Variants in KIAA0825 observed in about 807,000 individuals in gnomAD.
KIAA0825 encodes KIAA0825.
A neutral mutation model predicts 147.6 loss-of-function variants in KIAA0825; 119 were observed. The ratio of observed to expected loss-of-function variants is 0.81; its 90% CI spans 0.69 to 0.94. The LOEUF is 0.94. Among genes scored for constraint, KIAA0825 ranks in the 40% least tolerant of loss-of-function variants. The probability of loss-of-function intolerance (pLI) is 0.00; values close to 1 mark genes in which losing one functional copy is unlikely to be tolerated. For missense variants in KIAA0825, 1,381 were observed against 1,472.7 expected (o/e 0.94, Z 1.02); for synonymous variants, 470 against 518.1 (o/e 0.91, Z 1.26).
At chr5:94,336,298 T>C (rs967629343) in intron 20 of KIAA0825, among the ~76,000 whole-genome samples, 4 of 151,848 alleles carry the variant, frequency 2.6e-5, no homozygotes, top group African/African-American at 9.7e-5. Context: ...CTGGGATACA[T>C]GTGCAGAATG....
chr5:94,597,847 A>T (rs1402088114), intron 1 of KIAA0825, among the ~76,000 whole-genome samples: 1 of 152,200 alleles, frequency 6.6e-6, no homozygotes. Context: ...ACACAATGGT[A>T]AGTATTTGTG....
chr5:94,573,715 A>G (rs906048059), intron 2 of KIAA0825, among the ~76,000 whole-genome samples: 1 of 152,238 alleles, frequency 6.6e-6, no homozygotes, highest in African/African-American at 2.4e-5. Flanking sequence ...CTATGTTAAT[A>G]GAGATTCTTT....
At chr5:94,253,689 A>AT (rs1776095576) in intron 20 of KIAA0825, among the ~76,000 whole-genome samples, 1 of 152,042 alleles carries the variant, frequency 6.6e-6, no homozygotes, top group Non-Finnish European at 1.5e-5. Flanking sequence ...AACATCATAT[A>AT]TTTTTGTTTG....
At chr5:94,284,891 T>A (rs1456025389) in intron 20 of KIAA0825, among the ~76,000 whole-genome samples, 1 of 152,150 alleles carries the variant, frequency 6.6e-6, no homozygotes. Context: ...ACATGTATCG[T>A]GTACTAATTT....
chr5:94,333,036 A>G (rs160272), intron 20 of KIAA0825, among the ~76,000 whole-genome samples: 29,973 of 152,104 alleles, frequency 0.2, 3,445 homozygotes, highest in Middle Eastern at 0.26. Context: ...TTTGAAAAGC[A>G]TCTGTTCATA....
intron 13 of KIAA0825, among the ~76,000 whole-genome samples, chr5:94,449,904 C>T (rs1758183552): frequency 6.6e-6 from 1 of 151,944 alleles, no homozygotes; most frequent in Non-Finnish European, 1.5e-5. Context: ...CATGGTGAAA[C>T]CCTGTCTCTA....
chr5:94,470,340 C>T (rs1305454169), intron 9 of KIAA0825, among the ~76,000 whole-genome samples: 66 of 151,962 alleles, frequency 4.3e-4, no homozygotes, highest in Admixed American at 3.9e-3. Flanking sequence ...TCTACAAATA[C>T]GCACTTCAAC....
chr5:94,453,074 G>A lies in KIAA0825; in HGVS notation c.2247-5C>T. On this transcript the variant is annotated splice_polypyrimidine_tract_variant and splice_region_variant and intron_variant, in intron 12 of 20. Coordinates refer to ENST00000682413, the MANE Select transcript of KIAA0825 (RefSeq NM_001145678.3). The stretch of plus-strand genomic sequence containing the variant: ...TCCAGGCCATGCTGAAAAGTCCTAG[G>A]GAAATACAAATAATTAGTTTAGAAT... The A allele has an allele frequency of 1.4e-6, 2 of 1,429,270 alleles. No individual in the cohort carries two copies. Among genetic ancestry groups the A allele is most frequent in the Non-Finnish European group, 9.4e-7 (1 of 1,063,052 alleles). The allele number at this position is 1,429,270 out of a possible 1,614,324, so 88.5% of individuals were successfully genotyped here.
chr5:94,583,589 G>C (rs146916329), intron 1 of KIAA0825, among the ~76,000 whole-genome samples: 1,761 of 152,240 alleles, frequency 0.012, 41 homozygotes, highest in African/African-American at 0.041. Context: ...TCCACCTCTG[G>C]GGGCAGGGCA....
chr5:94,385,836 A>C (rs1749064796), intron 19 of KIAA0825, among the ~76,000 whole-genome samples: 1 of 152,226 alleles, frequency 6.6e-6, no homozygotes, highest in Admixed American at 6.5e-5. Flanking sequence ...ATTTATAATT[A>C]ATTTTAACTA....
chr5:94,260,778 A>C (rs367672681), intron 20 of KIAA0825, among the ~76,000 whole-genome samples: 1 of 152,270 alleles, frequency 6.6e-6, no homozygotes, highest in Admixed American at 6.5e-5. Flanking sequence ...AGTCGGTATG[A>C]TGTGGCACTC....
At chr5:94,560,656 G>C (rs929770980) in intron 2 of KIAA0825, among the ~76,000 whole-genome samples, 1 of 152,104 alleles carries the variant, frequency 6.6e-6, no homozygotes, top group Admixed American at 6.6e-5. Context: ...TGTTTTAAAT[G>C]GTCACCAAGT....
chr5:94,362,162 C>T (rs1416718045), intron 20 of KIAA0825, among the ~76,000 whole-genome samples: 1 of 152,194 alleles, frequency 6.6e-6, no homozygotes, highest in African/African-American at 2.4e-5. Flanking sequence ...GATCTATGAA[C>T]TACATAGGTC....
chr5:94,327,039 G>A (rs1293235504), intron 20 of KIAA0825, among the ~76,000 whole-genome samples: 1 of 152,172 alleles, frequency 6.6e-6, no homozygotes, highest in Non-Finnish European at 1.5e-5. Context: ...ATTATGCTAA[G>A]TGGTCTATAT....
In KIAA0825 at chr5:94,469,989, T is replaced by A. The variant is rs1287864280; in HGVS notation, c.1844A>T (p.His615Leu). The A allele has an allele frequency of 1.9e-6, 3 of 1,551,818 alleles. No individual in the cohort carries two copies. The South Asian group carries it at 3.6e-5, about 18-fold the overall frequency. The change falls in exon 10 of 21, where the codon CAC (histidine) becomes CTC (leucine). Residue 615 changes from histidine (H) to leucine (L), a missense_variant. Transcript: ENST00000682413. ...TSILQDAESH[H>L]WDDYKAFYEG... ...ATAAAAAGCTTTGTAGTCATCCCAGTGGTGGCTCTCAGCATCCTGTAAAAT... is the reference window on the plus strand; with the variant it reads ...ATAAAAAGCTTTGTAGTCATCCCAGAGGTGGCTCTCAGCATCCTGTAAAAT...
Position 94,193,524 on chromosome 5 carries a change from A to G in KIAA0825, c.3711-39400T>C, listed in dbSNP as rs141760196. On this transcript the variant is annotated intron_variant, in intron 20 of 20. Coordinates refer to ENST00000682413, the MANE Select transcript of KIAA0825 (RefSeq NM_001145678.3). ...TGAACTCAGGAAGTCTGGCTCTACT[A>G]TCTATTCTCTTAACCATTCTGTATC... 1.5e-3 allele frequency among the ~76,000 whole-genome samples: 229 copies of G among 152,268 alleles called. 1 individual carries two copies. The highest frequency in any genetic ancestry group is 5.0e-3 in the African/African-American group (207 of 41,538).
chr5:94,610,466 A>G (rs1430276853), intron 1 of KIAA0825, among the ~76,000 whole-genome samples: 1 of 149,776 alleles, frequency 6.7e-6, no homozygotes. Context: ...AAGAAAAAAG[A>G]AAAGTCATGA....
intron 2 of KIAA0825, among the ~76,000 whole-genome samples, chr5:94,562,390 T>G (rs1262293798): frequency 6.6e-6 from 1 of 152,236 alleles, no homozygotes; most frequent in Non-Finnish European, 1.5e-5. Flanking sequence ...CTGCTTTACT[T>G]ATCTCAACAG....
intron 20 of KIAA0825, among the ~76,000 whole-genome samples, chr5:94,298,740 C>A (rs901625509): frequency 3.3e-5 from 5 of 152,082 alleles, no homozygotes; most frequent in Admixed American, 1.3e-4. Context: ...CAGATTCCTT[C>A]GAGTAGTTTA....
Sources: gnomAD v4.1 joint callset for allele counts (sites outside exome capture counted in the v4.1 genomes callset) on GRCh38, gnomAD v4.1.1 for gene constraint, MANE v1.5 for transcripts, NCBI Gene and HGNC (gene_info 2026-07-23, HGNC 2026-07-21) for gene names.